PARD3: variants seen among roughly 807,000 people sequenced by gnomAD.
The protein encoded by PARD3 is par-3 family cell polarity regulator, also known as partitioning defective 3 homolog.
In PARD3, 75 loss-of-function variants were observed where a neutral mutation model predicts 155.4. That is an observed-to-expected ratio of 0.48 (90% CI 0.40 to 0.58). The LOEUF (loss-of-function observed/expected upper bound fraction) is 0.58, where lower values mean the gene tolerates loss of function less well. PARD3 is among the 20% of genes least tolerant of loss of function. PARD3 has a pLI of 0.00. For missense variants in PARD3, 1,642 were observed against 1,721.7 expected (o/e 0.95, Z 0.82); for synonymous variants, 576 against 610.5 (o/e 0.94, Z 0.83).
At chr10:34,557,937 C>CAAAA (rs1302011181) in intron 2 of PARD3, among the ~76,000 whole-genome samples, 3 of 73,020 alleles carry the variant, frequency 4.1e-5, no homozygotes, top group South Asian at 4.5e-4. Context: ...GACCCTGACT[C>CAAAA]AAAAAAAAAA....
intron 22 of PARD3, among the ~76,000 whole-genome samples, chr10:34,237,473 CCA>C (rs1479375758): frequency 6.6e-6 from 1 of 152,060 alleles, no homozygotes; most frequent in African/African-American, 2.4e-5. Flanking sequence ...TTTTTAACAA[CCA>C]TGATAGTTTT....
At chr10:34,535,539 T>C (rs1312732308) in intron 2 of PARD3, among the ~76,000 whole-genome samples, 1 of 152,178 alleles carries the variant, frequency 6.6e-6, no homozygotes, top group Non-Finnish European at 1.5e-5. Flanking sequence ...CAGGCTGGAG[T>C]GCAGTGGCGC....
In PARD3 at chr10:34,111,101, C is replaced by T; in HGVS notation, c.*68G>A. 6.7e-7 allele frequency: 1 copy of T among 1,493,140 alleles called. No individual in the cohort carries two copies. Among genetic ancestry groups the T allele is most frequent in the Non-Finnish European group, 8.9e-7 (1 of 1,117,556 alleles). 92.5% of individuals were successfully genotyped at this position (1,493,140 alleles called of 1,614,324 possible). A position where few individuals can be genotyped will look rare whatever the true frequency, so the allele number is the denominator to read the frequency against. On this transcript the variant is annotated 3_prime_UTR_variant, in exon 25 of 25. Coordinates refer to ENST00000374788, the MANE Select transcript of PARD3 (RefSeq NM_001184785.2). The stretch of plus-strand genomic sequence containing the variant: ...TACCATCGAGGTTTTAAAAAAACTC[C>T]CAAAATACAAGTCTTCATAGGAAAA...
chr10:34,331,154 T>C lies in PARD3; in HGVS notation c.2796A>G (p.Lys932=). 1 of 1,613,848 alleles carries C rather than the reference T, an allele frequency of 6.2e-7. No homozygotes were observed. The highest frequency in any genetic ancestry group is 8.5e-7 in the Non-Finnish European group (1 of 1,179,894). Residue 932 remains lysine (K), a synonymous_variant, in exon 19 of 25, where the codon AAA becomes AAG. Transcript: ENST00000374788. The part of the protein sequence containing the change: ...FRAAIDKSYD[K]PAVDDDDEGM... ...CTTCATCATCATCATCTACCGCGGG[T>C]TTATCATAAGATTTGTCGATGGCAG...
intron 2 of PARD3, among the ~76,000 whole-genome samples, chr10:34,570,736 CA>C (rs1219292717): frequency 6.6e-6 from 1 of 152,276 alleles, no homozygotes; most frequent in East Asian, 1.9e-4. Flanking sequence ...TTGTCACAAA[CA>C]CACTGTCAGA....
In PARD3 at chr10:34,111,127, T is replaced by C; in HGVS notation, c.*42A>G. The C allele has an allele frequency of 2.7e-6, 4 of 1,507,378 alleles. No homozygotes were observed. Among genetic ancestry groups the C allele is most frequent in the Non-Finnish European group, 3.5e-6 (4 of 1,127,724 alleles). 93.4% of individuals were successfully genotyped at this position (1,507,378 alleles called of 1,614,324 possible). ...CAAAATACAAGTCTTCATAGGAAAATGTCTTTTATTGCGCGACATGAAGCA... is the reference window on the plus strand; with the variant it reads ...CAAAATACAAGTCTTCATAGGAAAACGTCTTTTATTGCGCGACATGAAGCA... On this transcript the variant is annotated 3_prime_UTR_variant, in exon 25 of 25. Coordinates refer to ENST00000374788, the MANE Select transcript of PARD3 (RefSeq NM_001184785.2).
intron 2 of PARD3, among the ~76,000 whole-genome samples, chr10:34,567,886 G>A (rs990640648): frequency 9.7e-5 from 14 of 143,664 alleles, no homozygotes; most frequent in Admixed American, 7.4e-4. Context: ...TGTAATTGTT[G>A]TAGGCTCTAG....
chr10:34,513,949 T>G (rs2081554656), intron 3 of PARD3, among the ~76,000 whole-genome samples: 1 of 152,168 alleles, frequency 6.6e-6, no homozygotes, highest in Admixed American at 6.5e-5. Context: ...CTTCTGAGGT[T>G]GAGGAGCAAT....
At chr10:34,606,923 C>T (rs1009092203) in intron 2 of PARD3, among the ~76,000 whole-genome samples, 2 of 144,242 alleles carry the variant, frequency 1.4e-5, no homozygotes, top group African/African-American at 2.6e-5. Flanking sequence ...GCCGAGATCA[C>T]ACCACTGCAC....
At chr10:34,592,728 T>C (rs994293694) in intron 2 of PARD3, among the ~76,000 whole-genome samples, 7 of 152,058 alleles carry the variant, frequency 4.6e-5, no homozygotes, top group Non-Finnish European at 7.4e-5. Flanking sequence ...TGAGTGGAGA[T>C]CACACCACTG....
chr10:34,485,918 GTTTTTTTTTTTT>G (rs66906403), intron 3 of PARD3, among the ~76,000 whole-genome samples: 8 of 95,790 alleles, frequency 8.4e-5, no homozygotes, highest in African/African-American at 3.3e-4. Flanking sequence ...AACGTTTTGG[GTTTTTTTTTTTT>G]TTTTTTTTTT....
At chr10:34,685,670 T>TACAA (rs1286959211) in intron 2 of PARD3, among the ~76,000 whole-genome samples, 1 of 151,136 alleles carries the variant, frequency 6.6e-6, no homozygotes, top group Non-Finnish European at 1.5e-5. Flanking sequence ...CTCGGCTCAC[T>TACAA]ACAACCTCCG....
intron 22 of PARD3, among the ~76,000 whole-genome samples, chr10:34,135,667 C>T (rs1947856345): frequency 6.6e-6 from 1 of 152,164 alleles, no homozygotes; most frequent in African/African-American, 2.4e-5. Flanking sequence ...CGCACCTGTG[C>T]CCCACAGGCA....
intron 22 of PARD3, among the ~76,000 whole-genome samples, chr10:34,266,993 T>C (rs1233791270): frequency 3.9e-5 from 6 of 152,192 alleles, no homozygotes; most frequent in Non-Finnish European, 1.5e-5. Flanking sequence ...TTTGATGTCA[T>C]GTGGGACTTC....
At chr10:34,422,973 C>T (rs530551586) in intron 5 of PARD3, among the ~76,000 whole-genome samples, 1 of 152,288 alleles carries the variant, frequency 6.6e-6, no homozygotes, top group African/African-American at 2.4e-5. Flanking sequence ...GAAGAGATAG[C>T]TGTACTCACA....
At chr10:34,217,651 C>G (rs17553227) in intron 22 of PARD3, among the ~76,000 whole-genome samples, 4,179 of 152,134 alleles carry the variant, frequency 0.027, 88 homozygotes, top group Non-Finnish European at 0.04. Flanking sequence ...TGAGGAGAAG[C>G]TTTGTAATCA....
chr10:34,273,647 G>A (rs1175583950), intron 21 of PARD3, among the ~76,000 whole-genome samples: 1 of 152,138 alleles, frequency 6.6e-6, no homozygotes, highest in African/African-American at 2.4e-5. Flanking sequence ...ACCACTGGGG[G>A]AAACTGGATG....
At chr10:34,435,637 T>C (rs758397994) in intron 5 of PARD3, among the ~76,000 whole-genome samples, 3 of 152,218 alleles carry the variant, frequency 2.0e-5, no homozygotes, top group Non-Finnish European at 2.9e-5. Flanking sequence ...GAGAAAAACA[T>C]AGTATGTTTA....
chr10:34,136,136 A>G lies in PARD3; in HGVS notation c.3420-4553T>C, dbSNP rs188848076. Among the ~76,000 whole-genome samples the G allele has an allele frequency of 2.8e-4, 42 of 152,296 alleles. No homozygotes were observed. In the East Asian group the frequency reaches 7.5e-3, roughly 27 times the overall value. On this transcript the variant is annotated intron_variant, in intron 22 of 24. Transcript: ENST00000374788. Reference sequence around the variant, plus strand: ...TGCCTATTTTATCTGTCGCTTCTCCAGGCTATTTACTTTCATTGCACCAAA... The same window carrying G: ...TGCCTATTTTATCTGTCGCTTCTCCGGGCTATTTACTTTCATTGCACCAAA...
Sources: allele counts gnomAD v4.1 joint callset (sites outside exome capture counted in the v4.1 genomes callset), GRCh38; gene constraint gnomAD v4.1.1; transcripts MANE v1.5; gene names NCBI Gene and HGNC (gene_info 2026-07-23, HGNC 2026-07-21).